PAPPA2: variants seen among roughly 807,000 people sequenced by gnomAD.
PAPPA2 encodes pappalysin-2.
PAPPA2 carries 86 observed loss-of-function variants against 176.4 expected under a neutral mutation model. The observed-to-expected ratio is 0.49, with a 90% CI of 0.41 to 0.58. The LOEUF (loss-of-function observed/expected upper bound fraction) is 0.58, where lower values mean the gene tolerates loss of function less well. Ranked by LOEUF, PAPPA2 falls within the 20% of genes least tolerant of loss-of-function variation. The pLI is 0.00. For synonymous variants in PAPPA2, 809 were observed against 852.2 expected (o/e 0.95, Z 0.88); for missense variants, 2,073 against 2,256.9 (o/e 0.92, Z 1.65).
intron 1 of PAPPA2, among the ~76,000 whole-genome samples, chr1:176,525,185 G>A (rs1462386208): frequency 6.6e-6 from 1 of 152,204 alleles, no homozygotes; most frequent in African/African-American, 2.4e-5. Context: ...TAGTACGGTT[G>A]CTGGCAAACG....
chr1:176,792,685 C>T (rs1665235523), intron 19 of PAPPA2, among the ~76,000 whole-genome samples: 2 of 151,802 alleles, frequency 1.3e-5, no homozygotes, highest in South Asian at 4.2e-4. Context: ...ACAATGTGCA[C>T]ATGTACCCTA....
At chr1:176,818,311 A>G (rs1199195362) in intron 21 of PAPPA2, among the ~76,000 whole-genome samples, 2 of 152,186 alleles carry the variant, frequency 1.3e-5, no homozygotes, top group African/African-American at 4.8e-5. Flanking sequence ...GCTGCCTCTC[A>G]GTCAAGAGTC....
chr1:176,623,684 TCTCTCTCTC>T, intron 3 of PAPPA2, among the ~76,000 whole-genome samples: 4 of 146,310 alleles, frequency 2.7e-5, no homozygotes, highest in Admixed American at 6.8e-5. Context: ...TTTCTTTCTT[TCTCTCTCTC>T]TTTCCTTTCT....
chr1:176,626,052 T>A (rs895073625), intron 3 of PAPPA2, among the ~76,000 whole-genome samples: 1 of 151,944 alleles, frequency 6.6e-6, no homozygotes, highest in African/African-American at 2.4e-5. Context: ...TAAAAAAAAA[T>A]TACAAAATAC....
At chr1:176,570,735 G>T (rs2102612969) in intron 2 of PAPPA2, among the ~76,000 whole-genome samples, 1 of 150,716 alleles carries the variant, frequency 6.6e-6, no homozygotes, top group Non-Finnish European at 1.5e-5. Context: ...AGGTGCCATG[G>T]CAGAGGAGGG....
chr1:176,599,283 G>A (rs1388906443), intron 3 of PAPPA2, among the ~76,000 whole-genome samples: 1 of 151,854 alleles, frequency 6.6e-6, no homozygotes, highest in Admixed American at 6.6e-5. Flanking sequence ...GGATTTGTAA[G>A]ATTATTTTTT....
chr1:176,702,445 G>A (rs966805739), intron 8 of PAPPA2, among the ~76,000 whole-genome samples, 162 bp from the exon 9 acceptor site: 1 of 152,194 alleles, frequency 6.6e-6, no homozygotes, highest in African/African-American at 2.4e-5. Context: ...TCTGGTGCTC[G>A]GGAAGACTGT....
chr1:176,757,964 G>A (rs1663507148), intron 14 of PAPPA2, among the ~76,000 whole-genome samples: 1 of 152,104 alleles, frequency 6.6e-6, no homozygotes, highest in African/African-American at 2.4e-5. Context: ...TTACAAATAG[G>A]TCGCATTCTA....
intron 1 of PAPPA2, among the ~76,000 whole-genome samples, chr1:176,478,435 G>C (rs1421869801): frequency 6.6e-6 from 1 of 152,178 alleles, no homozygotes; most frequent in Admixed American, 6.5e-5. Flanking sequence ...TGTTTCAGTT[G>C]CCTCATCAGT....
chr1:176,738,186 G>C (rs900627049), intron 12 of PAPPA2, among the ~76,000 whole-genome samples: 1 of 152,076 alleles, frequency 6.6e-6, no homozygotes, highest in Non-Finnish European at 1.5e-5. Flanking sequence ...ACTTCATATG[G>C]CAAGTGTAAT....
At chr1:176,759,966 A>G (rs746270108) in intron 14 of PAPPA2, among the ~76,000 whole-genome samples, 1 of 151,976 alleles carries the variant, frequency 6.6e-6, no homozygotes, top group Non-Finnish European at 1.5e-5. Context: ...TAAAGTTGTT[A>G]GTCAAGATTT....
chr1:176,464,080 G>A (rs1490774432), intron 1 of PAPPA2, among the ~76,000 whole-genome samples: 1 of 152,170 alleles, frequency 6.6e-6, no homozygotes, highest in Non-Finnish European at 1.5e-5. Flanking sequence ...ATGTTGTCCA[G>A]ATCAAAAATA....
chr1:176,613,455 G>T (rs535510775), intron 3 of PAPPA2, among the ~76,000 whole-genome samples: 2 of 152,310 alleles, frequency 1.3e-5, no homozygotes, highest in East Asian at 3.9e-4. Flanking sequence ...AAGTCAACTG[G>T]CTCTTGTTTG....
rs372050951 is a variant in PAPPA2, at chr1:176,699,139, A to G, written c.2786A>G (p.Gln929Arg). 3.1e-6 allele frequency: 5 copies of G among 1,613,804 alleles called. No homozygotes were observed. In the African/African-American group the frequency reaches 4.0e-5, roughly 13 times the overall value. Reference sequence around the variant, plus strand: ...GATCAGCCCTGCGAGCCAAGCTTACAGGCCTGGAGCCCTGAGGTCCACCTG... The same window carrying G: ...GATCAGCCCTGCGAGCCAAGCTTACGGGCCTGGAGCCCTGAGGTCCACCTG... ...DVDQPCEPSL[Q>R]AWSPEVHLYH... is the part of the protein sequence containing the mutation. The change falls in exon 8 of 23, where the codon CAG becomes CGG. Residue 929 changes from glutamine to arginine, a missense_variant. Transcript: ENST00000367662.
chr1:176,647,815 G>A (rs1339127333), intron 3 of PAPPA2, among the ~76,000 whole-genome samples: 2 of 150,958 alleles, frequency 1.3e-5, no homozygotes, highest in East Asian at 3.9e-4. Flanking sequence ...TTTTTTCCTT[G>A]CCAGTAACAT....
At chr1:176,762,172 G>A (rs1663728773) in intron 14 of PAPPA2, among the ~76,000 whole-genome samples, 1 of 151,262 alleles carries the variant, frequency 6.6e-6, no homozygotes, top group South Asian at 2.1e-4. Flanking sequence ...GAAGCAAATG[G>A]AAATATAAGC....
intron 2 of PAPPA2, among the ~76,000 whole-genome samples, chr1:176,567,093 A>G (rs758439605): frequency 1.3e-5 from 2 of 152,194 alleles, no homozygotes; most frequent in African/African-American, 2.4e-5. Flanking sequence ...GCATATTTCT[A>G]TGCTAAGTTT....
intron 17 of PAPPA2, among the ~76,000 whole-genome samples, chr1:176,788,773 G>A (rs919758033): frequency 6.6e-6 from 1 of 152,160 alleles, no homozygotes; most frequent in African/African-American, 2.4e-5. Context: ...TGAGAAGCTG[G>A]TGAAAGTTAT....
In PAPPA2 at chr1:176,840,200, A is replaced by G. The variant is rs767123085; in HGVS notation, c.5230A>G (p.Thr1744Ala). 39 of 1,613,206 alleles carry G rather than the reference A, an allele frequency of 2.4e-5. No homozygotes were observed. The highest frequency in any genetic ancestry group is 3.1e-5 in the Non-Finnish European group (37 of 1,179,548). ...CTTCCAAGCAGATGGTTGGTGTGAC[A>G]CTATCAACAACCGAGCCTACTGCCA... ...EPFQADGWCDTINNRAYCHYD... is the reference protein window; with the variant it reads ...EPFQADGWCDAINNRAYCHYD... The change falls in exon 22 of 23, where the codon ACT becomes GCT. Residue 1744 changes from threonine to alanine, a missense_variant. Thr to Ala is a moderately conservative substitution (Grantham distance 58). Coordinates refer to ENST00000367662, the MANE Select transcript of PAPPA2 (RefSeq NM_020318.3).
Sources: allele counts gnomAD v4.1 joint callset (sites outside exome capture counted in the v4.1 genomes callset), GRCh38; gene constraint gnomAD v4.1.1; transcripts MANE v1.5; gene names NCBI Gene and HGNC (gene_info 2026-07-23, HGNC 2026-07-21).